GPR158: variants seen among roughly 807,000 people sequenced by gnomAD.
The protein encoded by GPR158 is G protein-coupled receptor 158.
In GPR158, 30 loss-of-function variants were observed where a neutral mutation model predicts 78.2. That is an observed-to-expected ratio of 0.38 (90% CI 0.29 to 0.52). The LOEUF is 0.52. Ranked by LOEUF, GPR158 falls within the 20% of genes least tolerant of loss-of-function variation. GPR158 has a pLI of 0.83. For synonymous variants in GPR158, 581 were observed against 591.1 expected (o/e 0.98, Z 0.25); for missense variants, 1,463 against 1,523.5 (o/e 0.96, Z 0.66).
intron 4 of GPR158, among the ~76,000 whole-genome samples, chr10:25,454,337 G>T (rs186107641): frequency 2.9e-5 from 2 of 68,242 alleles, no homozygotes; most frequent in African/African-American, 1.3e-4. Flanking sequence ...AGTCCGACCC[G>T]GAGGAGAAAT....
chr10:25,511,314 CAT>C (rs2130669470), intron 5 of GPR158, among the ~76,000 whole-genome samples: 1 of 152,226 alleles, frequency 6.6e-6, no homozygotes, highest in Non-Finnish European at 1.5e-5. Flanking sequence ...GAACATTTTT[CAT>C]ATGTTTGTTG....
chr10:25,513,622 T>G (rs1836118004), intron 5 of GPR158, among the ~76,000 whole-genome samples: 1 of 152,124 alleles, frequency 6.6e-6, no homozygotes, highest in Non-Finnish European at 1.5e-5. Context: ...ATTGCCTATT[T>G]GTGCTCCTTC....
chr10:25,327,251 A>AAC (rs141069877), intron 2 of GPR158, among the ~76,000 whole-genome samples: 1,494 of 149,152 alleles, frequency 0.01, 12 homozygotes, highest in East Asian at 0.031. Flanking sequence ...GACACTTACA[A>AAC]ACACACACAC....
At chr10:25,338,583 A>ATG (rs1358605817) in intron 2 of GPR158, among the ~76,000 whole-genome samples, 3 of 146,724 alleles carry the variant, frequency 2.0e-5, no homozygotes, top group Non-Finnish European at 4.5e-5. Context: ...TATATATAAT[A>ATG]CATATTATAT....
chr10:25,454,484 C>A (rs998285129), intron 4 of GPR158, among the ~76,000 whole-genome samples: 1 of 151,990 alleles, frequency 6.6e-6, no homozygotes, highest in Admixed American at 6.6e-5. Flanking sequence ...AAATATGTGC[C>A]TTACTTGAAG....
At chr10:25,542,027 T>A (rs1289898722) in intron 5 of GPR158, among the ~76,000 whole-genome samples, 1 of 150,140 alleles carries the variant, frequency 6.7e-6, no homozygotes, top group Non-Finnish European at 1.5e-5. Flanking sequence ...AAGCCTCAGA[T>A]GTTCTTCAAA....
intron 2 of GPR158, among the ~76,000 whole-genome samples, chr10:25,299,750 CT>C (rs1854564595): frequency 6.6e-6 from 1 of 152,164 alleles, no homozygotes; most frequent in Non-Finnish European, 1.5e-5. Flanking sequence ...TGATTTTTCA[CT>C]TTTTAGCACA....
intron 8 of GPR158, among the ~76,000 whole-genome samples, chr10:25,593,913 T>G (rs1197784712): frequency 6.6e-6 from 1 of 152,106 alleles, no homozygotes; most frequent in African/African-American, 2.4e-5. Flanking sequence ...GTAGGCAAAT[T>G]ATGAGTACTA....
At chr10:25,492,274 C>T in intron 5 of GPR158, among the ~76,000 whole-genome samples, 1 of 152,210 alleles carries the variant, frequency 6.6e-6, no homozygotes, top group East Asian at 1.9e-4. Flanking sequence ...CCAGGCCCTG[C>T]CTCTGCCAAC....
intron 6 of GPR158, among the ~76,000 whole-genome samples, chr10:25,552,474 T>C (rs942865956): frequency 8.6e-5 from 13 of 151,294 alleles, no homozygotes; most frequent in African/African-American, 3.2e-4. Flanking sequence ...AGATAAACTC[T>C]GTCCCTGTTA....
intron 3 of GPR158, among the ~76,000 whole-genome samples, chr10:25,399,638 T>C (rs868067980): frequency 2.0e-4 from 30 of 152,318 alleles, no homozygotes; most frequent in African/African-American, 6.5e-4. Context: ...TCTTTCCTGA[T>C]GGCCTTGTCA....
chr10:25,543,210 T>C, intron 5 of GPR158, among the ~76,000 whole-genome samples: 1 of 152,122 alleles, frequency 6.6e-6, no homozygotes, highest in East Asian at 1.9e-4. Flanking sequence ...AACCTCTGCC[T>C]CCCAGGTTCG....
At chr10:25,469,664 G>T (rs1052350657) in intron 5 of GPR158, among the ~76,000 whole-genome samples, 1 of 151,358 alleles carries the variant, frequency 6.6e-6, no homozygotes, top group East Asian at 2.0e-4. Context: ...GGCACCTGTA[G>T]TCCCAGCTAC....
At chr10:25,405,367 A>G (rs1159322589) in intron 3 of GPR158, among the ~76,000 whole-genome samples, 1 of 151,972 alleles carries the variant, frequency 6.6e-6, no homozygotes, top group African/African-American at 2.4e-5. Context: ...ACTGTAGGAT[A>G]TATGTTATGA....
intron 2 of GPR158, among the ~76,000 whole-genome samples, chr10:25,362,298 T>C (rs2130535362): frequency 6.6e-6 from 1 of 152,094 alleles, no homozygotes; most frequent in South Asian, 2.1e-4. Context: ...GCTCTCATCC[T>C]ATTCCATTGG....
At chr10:25,596,581 A>G (rs1483289020) in intron 9 of GPR158, 62 bp from the exon 10 acceptor site, 2 of 1,176,560 alleles carry the variant, frequency 1.7e-6, no homozygotes, top group Non-Finnish European at 2.5e-6. Flanking sequence ...AGATATAGAT[A>G]TAGATATATG....
chr10:25,437,210 T>C (rs1835007906), intron 4 of GPR158, among the ~76,000 whole-genome samples: 1 of 152,158 alleles, frequency 6.6e-6, no homozygotes, highest in South Asian at 2.1e-4. Flanking sequence ...GTCTCAAACT[T>C]AGTGTGAAAT....
intron 2 of GPR158, among the ~76,000 whole-genome samples, chr10:25,342,775 C>CTTTT (rs778192834): frequency 7.2e-6 from 1 of 138,304 alleles, no homozygotes. Context: ...GGACTAAGTT[C>CTTTT]TTTTTTTTTT....
At chr10:25,319,834 A>G (rs1323106523) in intron 2 of GPR158, among the ~76,000 whole-genome samples, 4 of 150,852 alleles carry the variant, frequency 2.7e-5, no homozygotes, top group Non-Finnish European at 5.9e-5. Context: ...CCCCCCCAAA[A>G]AAAAACCCTG....
Sources: allele counts gnomAD v4.1 joint callset (sites outside exome capture counted in the v4.1 genomes callset), GRCh38; gene constraint gnomAD v4.1.1; transcripts MANE v1.5; gene names NCBI Gene and HGNC (gene_info 2026-07-23, HGNC 2026-07-21).